Variants in APPBP2 observed in about 807,000 individuals in gnomAD.
APPBP2 encodes the protein amyloid protein-binding protein 2.
A neutral mutation model predicts 76.0 loss-of-function variants in APPBP2; 15 were observed. That is an observed-to-expected ratio of 0.20 (90% confidence interval 0.13 to 0.30). APPBP2 has a LOEUF of 0.30. Ranked by LOEUF, APPBP2 falls within the 10% of genes least tolerant of loss-of-function variation. The probability of loss-of-function intolerance (pLI) is 1.00; values close to 1 mark genes in which losing one functional copy is unlikely to be tolerated. For synonymous variants in APPBP2, 222 were observed against 242.2 expected (o/e 0.92, Z 0.77); for missense variants, 401 against 687.2 (o/e 0.58, Z 4.66).
chr17:60,487,252 G>A (rs1019028105), intron 3 of APPBP2, among the ~76,000 whole-genome samples: 8 of 152,142 alleles, frequency 5.3e-5, no homozygotes, highest in African/African-American at 1.9e-4. Context: ...GCCTTGCTAG[G>A]TTGGGGAAGT....
chr17:60,521,544 CG>C (rs1235913744), intron 1 of APPBP2, among the ~76,000 whole-genome samples: 1 of 152,122 alleles, frequency 6.6e-6, no homozygotes, highest in Non-Finnish European at 1.5e-5. Flanking sequence ...GCACAGCCAG[CG>C]GGCCACACGT....
At chr17:60,521,576 T>TA (rs567565070) in intron 1 of APPBP2, among the ~76,000 whole-genome samples, 30 of 151,768 alleles carry the variant, frequency 2.0e-4, no homozygotes, top group African/African-American at 7.3e-4. Context: ...AGCTTTCAGT[T>TA]ACACTTTTTT....
At chr17:60,458,620 G>A (rs545302439) in intron 9 of APPBP2, among the ~76,000 whole-genome samples, 1 of 152,172 alleles carries the variant, frequency 6.6e-6, no homozygotes, top group African/African-American at 2.4e-5. Flanking sequence ...TAGTGTGAAA[G>A]AAGCTATAGA....
In APPBP2 at chr17:60,446,921, A is replaced by C. The variant is rs892431627; in HGVS notation, c.*660T>G. The C allele has an allele frequency of 1.4e-5, 2 of 139,886 alleles. No individual in the cohort carries two copies. The highest frequency in any genetic ancestry group is 3.1e-5 in the Non-Finnish European group (2 of 65,366). The allele number at this position is 139,886 out of a possible 1,614,324, so 8.7% of individuals were successfully genotyped here. On this transcript the variant is annotated 3_prime_UTR_variant, in exon 13 of 13. Coordinates refer to ENST00000083182, the MANE Select transcript of APPBP2 (RefSeq NM_006380.5). Reference sequence around the variant, plus strand: ...TCAGAGCATCTTGCATTGTTGTACCAAAAAAAAAAAAGTCAGAAGTGCTGG... The same window carrying C: ...TCAGAGCATCTTGCATTGTTGTACCCAAAAAAAAAAAGTCAGAAGTGCTGG...
intron 3 of APPBP2, among the ~76,000 whole-genome samples, chr17:60,479,912 T>C (rs1335195447): frequency 1.3e-5 from 2 of 152,194 alleles, no homozygotes; most frequent in African/African-American, 4.8e-5. Flanking sequence ...CTTAAATAAC[T>C]GCCCCAACGT....
intron 1 of APPBP2, among the ~76,000 whole-genome samples, chr17:60,522,096 A>G (rs1220885869): frequency 1.3e-5 from 2 of 152,200 alleles, no homozygotes; most frequent in East Asian, 3.8e-4. Context: ...TTCTCAGAAC[A>G]TATCCCCGTC....
chr17:60,483,135 T>C (rs554427007), intron 3 of APPBP2, among the ~76,000 whole-genome samples: 3 of 152,298 alleles, frequency 2.0e-5, no homozygotes, highest in East Asian at 3.9e-4. Context: ...TGGTGTGAGA[T>C]GGTATCTCAC....
At chr17:60,492,550 C>A (rs903795671) in intron 3 of APPBP2, among the ~76,000 whole-genome samples, 1 of 152,176 alleles carries the variant, frequency 6.6e-6, no homozygotes, top group African/African-American at 2.4e-5. Context: ...AACAGCATGA[C>A]CTGGATGTGA....
intron 12 of APPBP2, among the ~76,000 whole-genome samples, chr17:60,448,756 ATATT>A (rs1567916112): frequency 1.3e-5 from 2 of 152,198 alleles, no homozygotes; most frequent in Non-Finnish European, 2.9e-5. Flanking sequence ...AAATAAGAAA[ATATT>A]TATCTGTTCA....
Position 60,521,154 on chromosome 17 carries a change from C to A in APPBP2, c.138+4640G>T, listed in dbSNP as rs956534328. ...TTTTATACCAAAATGGTTGCACGCC[C>A]TTGGAGAGAAAACTTTCAGAATCCA... On this transcript the variant is annotated intron_variant, in intron 1 of 12. Transcript: ENST00000083182. 2.0e-5 allele frequency among the ~76,000 whole-genome samples: 3 copies of A among 152,118 alleles called. No homozygotes were observed. In the South Asian group the frequency reaches 6.2e-4, roughly 32 times the overall value.
At chr17:60,461,522 A>C (rs930566844) in intron 8 of APPBP2, 1 of 280,028 alleles carries the variant, frequency 3.6e-6, no homozygotes. Context: ...ACATTTGCTA[A>C]ATCAACAACA....
chr17:60,447,837 G>GT lies in APPBP2; in HGVS notation c.1505-4dup, dbSNP rs1347548220. 6.6e-7 allele frequency: 1 copy of GT among 1,515,372 alleles called. No homozygotes were observed. The highest frequency in any genetic ancestry group is 8.8e-7 in the Non-Finnish European group (1 of 1,131,498). The allele number at this position is 1,515,372 out of a possible 1,614,324, so 93.9% of individuals were successfully genotyped here. On this transcript the variant is annotated splice_polypyrimidine_tract_variant and splice_region_variant and intron_variant, in intron 12 of 12. Transcript: ENST00000083182. ...GCCCTCACCAAAAAGTTTCTTCCCTGTAACAAAAAAGAAAAAGGAAAAAAA... is the reference window on the plus strand; with the variant it reads ...GCCCTCACCAAAAAGTTTCTTCCCTGTTAACAAAAAAGAAAAAGGAAAAAAA...
rs746345427 is a variant in APPBP2, at chr17:60,525,753, G to C, written c.138+41C>G. 7 of 1,611,734 alleles carry C rather than the reference G, an allele frequency of 4.3e-6. No individual in the cohort carries two copies. The African/African-American group carries it at 5.3e-5, about 12-fold the overall frequency. Reference sequence around the variant, plus strand: ...ACGTGGAAGGGGGTGCGGCCCCCGGGGTTGCTGGAGGAGAGCAGAGAGGAG... The same window carrying C: ...ACGTGGAAGGGGGTGCGGCCCCCGGCGTTGCTGGAGGAGAGCAGAGAGGAG... On this transcript the variant is annotated intron_variant, in intron 1 of 12. Transcript: ENST00000083182.
chr17:60,479,292 A>G (rs370656800), intron 3 of APPBP2, 21 bp from the exon 4 acceptor site: 8 of 1,582,986 alleles, frequency 5.1e-6, no homozygotes, highest in African/African-American at 1.4e-5. Context: ...AAGAAACACC[A>G]ATTTTAGAAA....
intron 1 of APPBP2, among the ~76,000 whole-genome samples, chr17:60,505,228 G>C (rs925018863): frequency 3.3e-5 from 5 of 152,190 alleles, no homozygotes; most frequent in African/African-American, 1.2e-4. Context: ...ACAGTAACCA[G>C]AATAATCTTG....
chr17:60,525,953 C>T lies in APPBP2; in HGVS notation c.-22G>A. ...CCATCTTCCTTCCCTCCTCCTCCGC[C>T]TCCTCCGCCTCCTCCTCCCGAAGGC... On this transcript the variant is annotated 5_prime_UTR_variant, in exon 1 of 13. Coordinates refer to ENST00000083182, the MANE Select transcript of APPBP2 (RefSeq NM_006380.5). The T allele has an allele frequency of 1.3e-6, 2 of 1,562,706 alleles. No homozygotes were observed. Among genetic ancestry groups the T allele is most frequent in the Non-Finnish European group, 1.7e-6 (2 of 1,152,408 alleles).
intron 10 of APPBP2, among the ~76,000 whole-genome samples, chr17:60,455,020 G>A (rs554556395): frequency 4.6e-5 from 7 of 152,218 alleles, no homozygotes; most frequent in African/African-American, 1.7e-4. Context: ...AAAGTCTTAA[G>A]AATATACATA....
At chr17:60,451,125 G>A (rs970518260) in intron 12 of APPBP2, among the ~76,000 whole-genome samples, 9 of 152,258 alleles carry the variant, frequency 5.9e-5, no homozygotes, top group East Asian at 3.9e-4. Flanking sequence ...GCAGTGATAC[G>A]CAACATCACA....
At chr17:60,509,085 A>C (rs1166919528) in intron 1 of APPBP2, among the ~76,000 whole-genome samples, 1 of 152,172 alleles carries the variant, frequency 6.6e-6, no homozygotes, top group Admixed American at 6.6e-5. Context: ...AAACTATAAA[A>C]ATATACACAT....
Sources: gnomAD v4.1 joint callset for allele counts (sites outside exome capture counted in the v4.1 genomes callset) on GRCh38, gnomAD v4.1.1 for gene constraint, MANE v1.5 for transcripts, NCBI Gene and HGNC (gene_info 2026-07-23, HGNC 2026-07-21) for gene names.